ZMAT4: variants seen among roughly 807,000 people sequenced by gnomAD.
ZMAT4 encodes zinc finger matrin-type 4, also known as zinc finger matrin-type protein 4.
A neutral mutation model predicts 28.7 loss-of-function variants in ZMAT4; 17 were observed. That is an observed-to-expected ratio of 0.59 (90% CI 0.41 to 0.89). The LOEUF (loss-of-function observed/expected upper bound fraction) is 0.89. ZMAT4 is among the 40% of genes least tolerant of loss of function. ZMAT4 has a pLI of 0.00. For synonymous variants in ZMAT4, 117 were observed against 109.2 expected (o/e 1.07, Z -0.44); for missense variants, 240 against 283.8 (o/e 0.85, Z 1.11).
At chr8:40,721,275 A>G (rs571874508) in intron 3 of ZMAT4, among the ~76,000 whole-genome samples, 14 of 140,944 alleles carry the variant, frequency 9.9e-5, no homozygotes, top group South Asian at 2.4e-4. Flanking sequence ...GATGATTTCC[A>G]ATTTCATCCA....
intron 5 of ZMAT4, among the ~76,000 whole-genome samples, chr8:40,640,512 A>C (rs1420590418): frequency 6.6e-6 from 1 of 152,194 alleles, no homozygotes; most frequent in African/African-American, 2.4e-5. Flanking sequence ...ACTAACAAAA[A>C]ACATTTTTTG....
At chr8:40,628,239 G>C (rs1806446072) in intron 5 of ZMAT4, among the ~76,000 whole-genome samples, 1 of 152,180 alleles carries the variant, frequency 6.6e-6, no homozygotes, top group Admixed American at 6.5e-5. Context: ...GAGACATATT[G>C]ATGTCTAGGC....
chr8:40,556,969 C>A (rs1303097903), intron 6 of ZMAT4, among the ~76,000 whole-genome samples: 2 of 152,126 alleles, frequency 1.3e-5, no homozygotes, highest in African/African-American at 4.8e-5. Flanking sequence ...CTAAGCAACT[C>A]TCTTTAACCC....
At chr8:40,662,767 T>C (rs1299748103) in intron 5 of ZMAT4, among the ~76,000 whole-genome samples, 2 of 152,186 alleles carry the variant, frequency 1.3e-5, no homozygotes, top group East Asian at 1.9e-4. Context: ...GTTTTTCCTA[T>C]TGGAGTTCCC....
intron 3 of ZMAT4, among the ~76,000 whole-genome samples, chr8:40,709,175 G>A (rs554497706): frequency 6.6e-6 from 1 of 152,096 alleles, no homozygotes. Context: ...TAGTACCTAA[G>A]AGAATATAAA....
At chr8:40,646,137 A>T (rs1042807468) in intron 5 of ZMAT4, among the ~76,000 whole-genome samples, 6 of 151,836 alleles carry the variant, frequency 4.0e-5, no homozygotes, top group African/African-American at 1.4e-4. Context: ...TATTCTGAAA[A>T]TTTTTGCTTT....
At chr8:40,789,786 G>A (rs1307539829) in intron 2 of ZMAT4, among the ~76,000 whole-genome samples, 1 of 152,182 alleles carries the variant, frequency 6.6e-6, no homozygotes, top group African/African-American at 2.4e-5. Flanking sequence ...ACTATCTGCA[G>A]TAATGAGTCC....
intron 1 of ZMAT4, among the ~76,000 whole-genome samples, chr8:40,863,888 A>G (rs1426024263): frequency 6.6e-6 from 1 of 152,216 alleles, no homozygotes; most frequent in Non-Finnish European, 1.5e-5. Context: ...AGTTTATTAC[A>G]ACACTTACCT....
chr8:40,820,248 A>T (rs13254432), intron 2 of ZMAT4, among the ~76,000 whole-genome samples: 150,879 of 151,022 alleles, frequency 1, 75,368 homozygotes, highest in Middle Eastern at 1. Flanking sequence ...GTGTGCGCAT[A>T]TATGTGAGTA....
chr8:40,755,967 G>A (rs1379864991), intron 3 of ZMAT4, among the ~76,000 whole-genome samples: 1 of 151,994 alleles, frequency 6.6e-6, no homozygotes, highest in African/African-American at 2.4e-5. Context: ...TGCCCTTCAG[G>A]TCTTCCAGGT....
chr8:40,667,834 TA>T (rs112035846), intron 5 of ZMAT4, among the ~76,000 whole-genome samples: 68,523 of 134,230 alleles, frequency 0.51, 16,997 homozygotes, highest in Middle Eastern at 0.65. Context: ...GTCCATTATT[TA>T]AAAAAAAAAA....
intron 5 of ZMAT4, among the ~76,000 whole-genome samples, chr8:40,637,399 T>A (rs375920108): frequency 6.6e-6 from 1 of 152,138 alleles, no homozygotes; most frequent in Non-Finnish European, 1.5e-5. Context: ...TCCCAGCAAA[T>A]GTGGGATTTC....
intron 1 of ZMAT4, among the ~76,000 whole-genome samples, chr8:40,835,901 T>G (rs1816463181): frequency 6.6e-6 from 1 of 152,184 alleles, no homozygotes; most frequent in Non-Finnish European, 1.5e-5. Flanking sequence ...CGGTGCTGAT[T>G]TGTCTCCTGA....
chr8:40,810,394 A>C (rs1248418366), intron 2 of ZMAT4, among the ~76,000 whole-genome samples: 1 of 152,226 alleles, frequency 6.6e-6, no homozygotes, highest in Non-Finnish European at 1.5e-5. Context: ...AATTAAATTC[A>C]TAAAGCAGAA....
intron 6 of ZMAT4, among the ~76,000 whole-genome samples, chr8:40,565,135 AT>A (rs1803873792): frequency 6.6e-6 from 1 of 152,212 alleles, no homozygotes; most frequent in African/African-American, 2.4e-5. Flanking sequence ...CACAAATGTC[AT>A]TTGCTCTTAA....
intron 3 of ZMAT4, among the ~76,000 whole-genome samples, chr8:40,728,585 A>G (rs1811402862): frequency 6.6e-6 from 1 of 152,236 alleles, no homozygotes; most frequent in Admixed American, 6.5e-5. Context: ...AATGCCTCCT[A>G]CTGCTGCCAA....
chr8:40,895,921 A>T (rs977597190), intron 1 of ZMAT4, among the ~76,000 whole-genome samples: 2 of 152,102 alleles, frequency 1.3e-5, no homozygotes, highest in African/African-American at 4.8e-5. Context: ...TCCATGACTA[A>T]CCATGCCCAC....
At chr8:40,584,264 T>A (rs971935490) in intron 5 of ZMAT4, among the ~76,000 whole-genome samples, 1 of 152,076 alleles carries the variant, frequency 6.6e-6, no homozygotes, top group African/African-American at 2.4e-5. Flanking sequence ...TCCACCTGTG[T>A]CCCTCAGCCC....
intron 2 of ZMAT4, among the ~76,000 whole-genome samples, chr8:40,783,380 G>T (rs1379486562): frequency 6.6e-6 from 1 of 152,096 alleles, no homozygotes; most frequent in Non-Finnish European, 1.5e-5. Flanking sequence ...ATAGATTAAT[G>T]GTTGCTAGGG....
Sources: gnomAD v4.1 joint callset for allele counts (sites outside exome capture counted in the v4.1 genomes callset) on GRCh38, gnomAD v4.1.1 for gene constraint, MANE v1.5 for transcripts, NCBI Gene and HGNC (gene_info 2026-07-23, HGNC 2026-07-21) for gene names.